Variants in WDFY3 observed in about 807,000 individuals in gnomAD.
WDFY3 encodes the protein WD repeat and FYVE domain-containing protein 3.
WDFY3 carries 66 observed loss-of-function variants against 409.6 expected under a neutral mutation model. The ratio of observed to expected loss-of-function variants is 0.16; its 90% CI spans 0.13 to 0.20. WDFY3 has a LOEUF of 0.20. Ranked by LOEUF, WDFY3 falls within the 10% of genes least tolerant of loss-of-function variation. WDFY3 has a pLI of 1.00. For missense variants in WDFY3, 3,031 were observed against 4,298.1 expected, an observed-to-expected ratio of 0.71 and a Z score of 8.24; for synonymous variants, 1,521 against 1,537.1, an observed-to-expected ratio of 0.99 and a Z score of 0.25.
chr4:84,746,877 C>G (rs553199593), intron 36 of WDFY3, among the ~76,000 whole-genome samples: 1 of 152,094 alleles, frequency 6.6e-6, no homozygotes, highest in South Asian at 2.1e-4. Context: ...GTCACTTGGT[C>G]AAGTCACAAC....
Position 84,679,109 on chromosome 4 carries a change from T to C in WDFY3, c.9957A>G (p.Thr3319=). 1.2e-6 allele frequency: 2 copies of C among 1,614,194 alleles called. No individual in the cohort carries two copies. The highest frequency in any genetic ancestry group is 4.5e-5 in the East Asian group (2 of 44,876). ...AGCCACTGTCAGTACACCAGGCGGC[T>C]GTTGCGCGGCAGGAGGCTGCCCGGG... ...HRPRAASCRA[T]AAWCTDSGSD... The change falls in exon 65 of 68, where the codon ACA becomes ACG. Residue 3319 remains threonine (T), a synonymous_variant. Transcript: ENST00000295888.
At chr4:84,808,229 A>AC in intron 15 of WDFY3, 105 bp downstream of exon 15, 1 of 999,404 alleles carries the variant, frequency 1.0e-6, no homozygotes, top group East Asian at 2.6e-5. Flanking sequence ...ACAAAACAAA[A>AC]AAAAACTGAA....
chr4:84,855,603 T>C (rs995338867), intron 4 of WDFY3, among the ~76,000 whole-genome samples: 1 of 152,180 alleles, frequency 6.6e-6, no homozygotes, highest in Non-Finnish European at 1.5e-5. Context: ...GAGGTTGGAA[T>C]GTTTACAAAG....
Position 84,810,097 on chromosome 4 carries a change from T to C in WDFY3, c.2135A>G (p.Tyr712Cys). ...NSHFFKTEIQ[Y>C]EKLADAVRFL... ...TCGAACAGCATCTGCCAACTTCTCA[T>C]ACTGAATCTCTGTTTTGAAGAAATG... is the stretch of plus-strand genomic sequence containing the variant. The change falls in exon 14 of 68, where the codon TAT (tyrosine) becomes TGT (cysteine). Residue 712 changes from tyrosine to cysteine, a missense_variant. Physicochemically the swap from Tyr to Cys is radical, Grantham distance 194. Transcript: ENST00000295888. 6.2e-7 allele frequency: 1 copy of C among 1,614,186 alleles called. No individual in the cohort carries two copies. The highest frequency in any genetic ancestry group is 8.5e-7 in the Non-Finnish European group (1 of 1,180,010).
intron 37 of WDFY3, among the ~76,000 whole-genome samples, chr4:84,742,932 CA>C (rs1378780369): frequency 2.6e-5 from 4 of 152,090 alleles, no homozygotes; most frequent in Non-Finnish European, 5.9e-5. Flanking sequence ...CCCCATTAAG[CA>C]AAATTATTTG....
At chr4:84,825,445 C>A (rs1186588669) in intron 10 of WDFY3, among the ~76,000 whole-genome samples, 1 of 150,832 alleles carries the variant, frequency 6.6e-6, no homozygotes, top group Non-Finnish European at 1.5e-5. Context: ...CAGCTCACTG[C>A]AGCTTTGAAC....
At chr4:84,795,248 G>A (rs553198429) in intron 19 of WDFY3, among the ~76,000 whole-genome samples, 3 of 152,180 alleles carry the variant, frequency 2.0e-5, no homozygotes, top group South Asian at 4.1e-4. Context: ...ATACTCTAAC[G>A]TATAAACCCA....
chr4:84,846,582 T>C (rs1211258137), intron 5 of WDFY3, among the ~76,000 whole-genome samples: 1 of 148,988 alleles, frequency 6.7e-6, no homozygotes, highest in African/African-American at 2.5e-5. Context: ...TATAAATAAG[T>C]TTTAGGAATT....
intron 3 of WDFY3, among the ~76,000 whole-genome samples, chr4:84,876,659 G>T (rs1762823222): frequency 6.6e-6 from 1 of 151,636 alleles, no homozygotes; most frequent in African/African-American, 2.4e-5. Context: ...TTAGTTCATA[G>T]TAAGTGGTTG....
intron 49 of WDFY3, among the ~76,000 whole-genome samples, chr4:84,716,604 G>A (rs976539324): frequency 9.9e-5 from 15 of 151,348 alleles, no homozygotes; most frequent in East Asian, 6.0e-4. Flanking sequence ...AGACCATCCT[G>A]GCTGACACAA....
Position 84,672,765 on chromosome 4 carries a change from AAG to A in WDFY3, c.*101_*102del. ...TTTAACACTTCAAACACGTGGTATG[AAG>A]AGATGTGTAAACGGAGACTGTTTTC... is the stretch of plus-strand genomic sequence containing the variant. On this transcript the variant is annotated 3_prime_UTR_variant, in exon 68 of 68. Coordinates refer to ENST00000295888, the MANE Select transcript of WDFY3 (RefSeq NM_014991.6). 1 of 1,494,950 alleles carries A rather than the reference AAG, an allele frequency of 6.7e-7. No homozygotes were observed. Among genetic ancestry groups the A allele is most frequent in the Non-Finnish European group, 9.1e-7 (1 of 1,104,806 alleles). The allele number at this position is 1,494,950 out of a possible 1,614,324, so 92.6% of individuals were successfully genotyped here.
At chr4:84,912,707 G>A (rs1235283432) in intron 2 of WDFY3, among the ~76,000 whole-genome samples, 1 of 151,930 alleles carries the variant, frequency 6.6e-6, no homozygotes, top group African/African-American at 2.4e-5. Context: ...AAGTACATCT[G>A]CCCAGGTTTT....
intron 3 of WDFY3, among the ~76,000 whole-genome samples, chr4:84,884,218 T>C (rs907997558): frequency 6.6e-6 from 1 of 152,178 alleles, no homozygotes; most frequent in Non-Finnish European, 1.5e-5. Context: ...TTCAAAAATA[T>C]TGAGAGCTAT....
At chr4:84,915,012 A>C (rs1194456667) in intron 2 of WDFY3, among the ~76,000 whole-genome samples, 2 of 152,238 alleles carry the variant, frequency 1.3e-5, no homozygotes, top group African/African-American at 4.8e-5. Context: ...TGAAATTCTG[A>C]TACACGCAAC....
chr4:84,928,506 C>CG (rs1277328774), intron 2 of WDFY3, among the ~76,000 whole-genome samples: 4 of 152,128 alleles, frequency 2.6e-5, no homozygotes, highest in Non-Finnish European at 5.9e-5. Context: ...GTAACCCTGA[C>CG]TAAAACACTA....
chr4:84,925,585 G>A (rs954847791), intron 2 of WDFY3, among the ~76,000 whole-genome samples: 3 of 152,128 alleles, frequency 2.0e-5, no homozygotes, highest in African/African-American at 7.2e-5. Context: ...GCAATATGTG[G>A]ACCTTAACTA....
At chr4:84,695,558 G>A (rs190940761) in intron 58 of WDFY3, among the ~76,000 whole-genome samples, 21 of 120,106 alleles carry the variant, frequency 1.7e-4, no homozygotes, top group Admixed American at 1.4e-3. Context: ...AGAGAGGCAC[G>A]CATAGAGTAG....
chr4:84,924,479 C>T (rs150040795), intron 2 of WDFY3, among the ~76,000 whole-genome samples: 2 of 152,342 alleles, frequency 1.3e-5, no homozygotes, highest in Non-Finnish European at 2.9e-5. Context: ...ATATGCCAGG[C>T]TCCACTCAGC....
At chr4:84,863,441 T>G (rs1477451305) in intron 3 of WDFY3, among the ~76,000 whole-genome samples, 1 of 152,180 alleles carries the variant, frequency 6.6e-6, no homozygotes, top group East Asian at 1.9e-4. Flanking sequence ...GATATCTTAT[T>G]GTGGTTTTGA....
Sources: gnomAD v4.1 joint callset for allele counts (sites outside exome capture counted in the v4.1 genomes callset) on GRCh38, gnomAD v4.1.1 for gene constraint, MANE v1.5 for transcripts, NCBI Gene and HGNC (gene_info 2026-07-23, HGNC 2026-07-21) for gene names.